CLDN14: variants seen among roughly 807,000 people sequenced by gnomAD.
CLDN14 encodes claudin 14.
A neutral mutation model predicts 2.1 loss-of-function variants in CLDN14; 2 were observed. The ratio of observed to expected loss-of-function variants is 0.96; its 90% confidence interval spans 0.39 to 3.01. CLDN14 has a LOEUF of 3.01. Among genes scored for constraint, CLDN14 ranks in the 30% most tolerant of loss-of-function variants. The pLI is 0.09. For synonymous variants in CLDN14, 136 were observed against 154.4 expected (o/e 0.88, Z 0.88); for missense variants, 298 against 328.0 (o/e 0.91, Z 0.71).
rs963192956 is a variant in CLDN14 at position 36,461,916 on chromosome 21, C to G, written c.-81-140G>C. The G allele has an allele frequency of 5.5e-5, 34 of 623,624 alleles. No individual in the cohort carries two copies. In the Admixed American group the frequency reaches 9.8e-4, roughly 18 times the overall value. 38.6% of individuals were successfully genotyped at this position (623,624 alleles called of 1,614,324 possible). ...ATTAGCATGTTCTCAAAAATAGTTT[C>G]TGAGACTTCACTGGGTGGGAGAGTA... is the stretch of plus-strand genomic sequence containing the variant. On this transcript the variant is annotated intron_variant, in intron 1 of 1. Transcript: ENST00000399135.
At chr21:36,489,564 T>C (rs1322009744) in intron 2 of CLDN14, among the ~76,000 whole-genome samples, 4 of 152,052 alleles carry the variant, frequency 2.6e-5, no homozygotes, top group African/African-American at 9.7e-5. Context: ...GGCAGCTGAG[T>C]AGCTGATGGC....
Position 36,503,657 on chromosome 21 carries a change from T to G in CLDN14, c.-82+6706A>C, listed in dbSNP as rs144407600. 2.5e-3 allele frequency among the ~76,000 whole-genome samples: 385 copies of G among 152,302 alleles called. 4 individuals carry two copies. Among genetic ancestry groups the G allele is most frequent in the Non-Finnish European group, 4.5e-3 (307 of 68,022 alleles). ...CCTTTGTAAATTGCCCAGTCTTGGG[T>G]ATGTCTTTATCAGCAGCATGAAAAT... On this transcript the variant is annotated intron_variant, in intron 2 of 2. Coordinates refer to the CLDN14 transcript ENST00000342108.
At chr21:36,557,177 A>G (rs1213659493) in intron 1 of CLDN14, among the ~76,000 whole-genome samples, 3 of 152,120 alleles carry the variant, frequency 2.0e-5, no homozygotes. Flanking sequence ...CATTGTCTTT[A>G]TCCATTCATC....
intron 1 of CLDN14, among the ~76,000 whole-genome samples, chr21:36,555,806 AGTGTGTGTGTGTGTGT>A (rs142473999): frequency 0.03 from 4,327 of 143,414 alleles, 78 homozygotes; most frequent in Non-Finnish European, 0.04. Flanking sequence ...TCTATAGGTC[AGTGTGTGTGTGTGTGT>A]GTGTGTGTGT....
rs541907464 is a variant in CLDN14, at chr21:36,498,681, C to T, written c.-82+11682G>A. Among the ~76,000 whole-genome samples, 1 of 152,302 alleles carries T rather than the reference C, an allele frequency of 6.6e-6. No homozygotes were observed. The highest frequency in any genetic ancestry group is 1.9e-4 in the East Asian group (1 of 5,184). On this transcript the variant is annotated intron_variant, in intron 2 of 2. Transcript: ENST00000342108. The surrounding 1 kb of genome is among the most constrained non-coding windows in gnomAD (Gnocchi z 4.9). ...TGGAAAAAATGAACATAGGATCTGGCTGTGGCAGACAGCAGCCTACAGAAA... is the reference window on the plus strand; with the variant it reads ...TGGAAAAAATGAACATAGGATCTGGTTGTGGCAGACAGCAGCCTACAGAAA...
At chr21:36,490,986 ACACC>A (rs1381861007) in intron 2 of CLDN14, among the ~76,000 whole-genome samples, 2 of 136,882 alleles carry the variant, frequency 1.5e-5, no homozygotes, top group Admixed American at 7.4e-5. Flanking sequence ...ACACACACAC[ACACC>A]CCTGGACACA....
chr21:36,472,760 T>C (rs1377285210), intron 1 of CLDN14, among the ~76,000 whole-genome samples: 2 of 152,232 alleles, frequency 1.3e-5, no homozygotes, highest in Non-Finnish European at 2.9e-5. Context: ...GAAATTCACC[T>C]GACGTCTTCT....
intron 2 of CLDN14, among the ~76,000 whole-genome samples, chr21:36,494,663 G>A (rs1237608443): frequency 2.0e-5 from 3 of 152,196 alleles, no homozygotes; most frequent in Non-Finnish European, 4.4e-5. Context: ...AAGGGGAGAC[G>A]AGTTCACAGG....
intron 1 of CLDN14, among the ~76,000 whole-genome samples, chr21:36,470,049 C>T (rs1013992615): frequency 6.6e-6 from 1 of 151,840 alleles, no homozygotes; most frequent in Non-Finnish European, 1.5e-5. Flanking sequence ...ACAAAAACAA[C>T]AACAAAAAAA....
At chr21:36,486,026 G>A in intron 2 of CLDN14, 1 of 1,458,348 alleles carries the variant, frequency 6.9e-7, no homozygotes, top group Non-Finnish European at 9.6e-7. Context: ...GCCATCCTTG[G>A]TGGCCTGGCA....
At chr21:36,474,446 A>G (rs904936386) in intron 1 of CLDN14, among the ~76,000 whole-genome samples, 1 of 152,254 alleles carries the variant, frequency 6.6e-6, no homozygotes, top group East Asian at 1.9e-4. Flanking sequence ...GTCCATTACT[A>G]GGAACAGAAT....
At chr21:36,553,296 C>A (rs1048512634) in intron 1 of CLDN14, among the ~76,000 whole-genome samples, 14 of 152,022 alleles carry the variant, frequency 9.2e-5, no homozygotes, top group Non-Finnish European at 1.6e-4. Flanking sequence ...GTGCAAAAGG[C>A]GAGAGGAAGG....
chr21:36,526,911 G>A (rs935212804), intron 1 of CLDN14, among the ~76,000 whole-genome samples: 3 of 152,176 alleles, frequency 2.0e-5, no homozygotes, highest in African/African-American at 7.2e-5. Flanking sequence ...CCCACCTCCC[G>A]AGACGGGGAT....
intron 1 of CLDN14, among the ~76,000 whole-genome samples, chr21:36,561,136 A>G (rs529630606): frequency 2.0e-5 from 3 of 152,290 alleles, no homozygotes; most frequent in East Asian, 3.9e-4. Flanking sequence ...GATGTGTCGC[A>G]ATCCTCAGAC....
chr21:36,563,803 T>G (rs2087654114), intron 1 of CLDN14, among the ~76,000 whole-genome samples: 1 of 152,094 alleles, frequency 6.6e-6, no homozygotes, highest in South Asian at 2.1e-4. Context: ...TTGGGCAAGG[T>G]CTCTGCGTGG....
At chr21:36,528,440 G>C (rs1466787748) in intron 1 of CLDN14, among the ~76,000 whole-genome samples, 1 of 152,204 alleles carries the variant, frequency 6.6e-6, no homozygotes, top group South Asian at 2.1e-4. Flanking sequence ...CACTGGGGAA[G>C]CCAAGTGTTA....
chr21:36,464,957 C>T (rs1482924776), intron 1 of CLDN14, among the ~76,000 whole-genome samples: 1 of 152,224 alleles, frequency 6.6e-6, no homozygotes, highest in Non-Finnish European at 1.5e-5. Flanking sequence ...CTCCTTCCCA[C>T]AGAGATCTCA....
At chr21:36,516,307 C>T (rs1285600560) in intron 1 of CLDN14, among the ~76,000 whole-genome samples, 1 of 152,172 alleles carries the variant, frequency 6.6e-6, no homozygotes, top group Non-Finnish European at 1.5e-5. Context: ...TGTGGATAAA[C>T]AGCTTGAGAC....
At chr21:36,509,900 G>C (rs1024150697) in intron 2 of CLDN14, among the ~76,000 whole-genome samples, 1 of 152,120 alleles carries the variant, frequency 6.6e-6, no homozygotes, top group Non-Finnish European at 1.5e-5. Context: ...TGGCCCAGCA[G>C]CATTGCTTTT....
Sources: allele counts gnomAD v4.1 joint callset (sites outside exome capture counted in the v4.1 genomes callset), GRCh38; gene constraint gnomAD v4.1.1; non-coding constraint Gnocchi (gnomAD v3.1); transcripts MANE v1.5; gene names NCBI Gene and HGNC (gene_info 2026-07-23, HGNC 2026-07-21).